The following MYT1L variants were observed in gnomAD, a reference collection of about 807,000 sequenced individuals.
The protein encoded by MYT1L is myelin transcription factor 1 like.
A neutral mutation model predicts 126.7 loss-of-function variants in MYT1L; 12 were observed. That is an observed-to-expected ratio of 0.09 (90% CI 0.06 to 0.15). MYT1L has a LOEUF of 0.15. MYT1L is among the 10% of genes least tolerant of loss of function. MYT1L has a pLI of 1.00. For missense variants in MYT1L, 979 were observed against 1,585.2 expected (o/e 0.62, Z 6.49); for synonymous variants, 541 against 604.2 (o/e 0.90, Z 1.53).
At chr2:2,135,021 T>G (rs1159967735) in intron 3 of MYT1L, among the ~76,000 whole-genome samples, 1 of 152,146 alleles carries the variant, frequency 6.6e-6, no homozygotes, top group Non-Finnish European at 1.5e-5. Context: ...TCTAATCCAC[T>G]CCACCAAATT....
intron 2 of MYT1L, among the ~76,000 whole-genome samples, chr2:2,253,695 G>C (rs1048550565): frequency 1.3e-5 from 2 of 151,992 alleles, no homozygotes; most frequent in African/African-American, 4.8e-5. Flanking sequence ...GGGCAGGAGA[G>C]CAAGTCGGAA....
intron 3 of MYT1L, among the ~76,000 whole-genome samples, chr2:2,129,610 G>T (rs2082111707): frequency 6.6e-6 from 1 of 152,096 alleles, no homozygotes; most frequent in Non-Finnish European, 1.5e-5. Context: ...ATTGAGTCAA[G>T]AATTAACTTA....
At chr2:2,076,505 T>A in intron 3 of MYT1L, among the ~76,000 whole-genome samples, 1 of 152,020 alleles carries the variant, frequency 6.6e-6, no homozygotes, top group East Asian at 1.9e-4. Context: ...CCTTAAAAAC[T>A]AACCAATAAA....
At chr2:2,063,932 A>G (rs2070881359) in intron 3 of MYT1L, among the ~76,000 whole-genome samples, 1 of 152,216 alleles carries the variant, frequency 6.6e-6, no homozygotes, top group Admixed American at 6.5e-5. Flanking sequence ...GAGGCTGTCT[A>G]CACTAAAGAT....
intron 2 of MYT1L, among the ~76,000 whole-genome samples, chr2:2,262,931 T>TATATATATATATATATATATATAA (rs970472033): frequency 2.3e-5 from 1 of 43,662 alleles, no homozygotes; most frequent in African/African-American, 1.0e-4. Flanking sequence ...TATATATATA[T>TATATATATATATATATATATATAA]AACCTGTGAT....
chr2:2,191,331 T>A (rs2092579881), intron 2 of MYT1L, among the ~76,000 whole-genome samples: 1 of 152,216 alleles, frequency 6.6e-6, no homozygotes, highest in African/African-American at 2.4e-5. Flanking sequence ...GATTGGAGTT[T>A]TGCAAGTAAA....
chr2:2,269,658 C>G (rs2095221732), intron 2 of MYT1L, among the ~76,000 whole-genome samples: 2 of 152,154 alleles, frequency 1.3e-5, no homozygotes, highest in Non-Finnish European at 2.9e-5. Context: ...CCAGTAATCT[C>G]CAGTAGCCCC....
intron 4 of MYT1L, among the ~76,000 whole-genome samples, chr2:2,019,918 C>T (rs1416935939): frequency 2.6e-5 from 4 of 152,152 alleles, no homozygotes; most frequent in African/African-American, 4.8e-5. Flanking sequence ...GATCTCAGCT[C>T]GCTGCAACCT....
chr2:2,228,914 TA>T lies in MYT1L; in HGVS notation c.-421+55489del, dbSNP rs2094089251. On this transcript the variant is annotated intron_variant, in intron 2 of 24. Transcript: ENST00000647738. The surrounding 1 kb of genome is among the most constrained non-coding windows in gnomAD (Gnocchi z 5.9). The stretch of plus-strand genomic sequence containing the variant: ...AAAATACAGGACAAGGGCAAGTTAA[TA>T]AGAAGAAACACAAGCAGTAGAGAAG... Among the ~76,000 whole-genome samples, 1 of 152,106 alleles carries T rather than the reference TA, an allele frequency of 6.6e-6. No individual in the cohort carries two copies. The highest frequency in any genetic ancestry group is 2.4e-5 in the African/African-American group (1 of 41,416).
rs552138213 is a variant in MYT1L at position 1,833,884 on chromosome 2, G to A, written c.3080+5265C>T. ...TAACCCTCAACGCAGAAAGAGCAGCGGCTGCGCCAGGACTCCCCATGAAGT... is the reference window on the plus strand; with the variant it reads ...TAACCCTCAACGCAGAAAGAGCAGCAGCTGCGCCAGGACTCCCCATGAAGT... On this transcript the variant is annotated intron_variant, in intron 21 of 24. Coordinates refer to ENST00000647738, the MANE Select transcript of MYT1L (RefSeq NM_001303052.2). Among the ~76,000 whole-genome samples, 13 of 152,324 alleles carry A rather than the reference G, an allele frequency of 8.5e-5. No individual in the cohort carries two copies. The South Asian group carries it at 1.0e-3, about 12-fold the overall frequency.
intron 1 of MYT1L, among the ~76,000 whole-genome samples, chr2:2,290,747 C>G (rs529844697): frequency 6.6e-6 from 1 of 152,200 alleles, no homozygotes; most frequent in Admixed American, 6.5e-5. Context: ...GCACTGACCC[C>G]TGCCTGCAGA....
At chr2:2,106,994 G>C (rs1014546136) in intron 3 of MYT1L, among the ~76,000 whole-genome samples, 11 of 152,150 alleles carry the variant, frequency 7.2e-5, no homozygotes, top group African/African-American at 2.4e-4. Context: ...CGTGGGGTTA[G>C]TTAACCTTCC....
chr2:2,230,700 C>T (rs1173723575), intron 2 of MYT1L, among the ~76,000 whole-genome samples: 4 of 152,230 alleles, frequency 2.6e-5, no homozygotes, highest in Non-Finnish European at 5.9e-5. Context: ...AAGCTGACAG[C>T]ACTGATGTTG....
At chr2:2,179,535 C>A (rs2091185863) in intron 2 of MYT1L, among the ~76,000 whole-genome samples, 1 of 152,188 alleles carries the variant, frequency 6.6e-6, no homozygotes, top group Non-Finnish European at 1.5e-5. Context: ...CATGACAACA[C>A]CTTACACGTG....
intron 18 of MYT1L, chr2:1,884,142 A>G (rs1353688952): frequency 1.3e-5 from 2 of 152,186 alleles, no homozygotes; most frequent in Non-Finnish European, 2.9e-5. Context: ...CAAGAAGAAA[A>G]TTTCCAGAAA....
At chr2:1,911,933 AT>A in intron 12 of MYT1L, 86 bp downstream of exon 12, 3 of 1,053,686 alleles carry the variant, frequency 2.8e-6, no homozygotes, top group Non-Finnish European at 4.1e-6. Flanking sequence ...GGAGCACCAT[AT>A]GGAGCGTGGT....
At chr2:2,032,697 T>C (rs2066478614) in intron 4 of MYT1L, among the ~76,000 whole-genome samples, 1 of 111,818 alleles carries the variant, frequency 8.9e-6, no homozygotes, top group Admixed American at 8.9e-5. Context: ...CCTCTCATCC[T>C]GTGGCCCAGA....
intron 3 of MYT1L, among the ~76,000 whole-genome samples, chr2:2,109,955 T>G (rs1276011655): frequency 7.4e-6 from 1 of 134,778 alleles, no homozygotes; most frequent in Non-Finnish European, 1.5e-5. Context: ...AGCTAAGAGA[T>G]TCTAAATCAA....
intron 2 of MYT1L, among the ~76,000 whole-genome samples, chr2:2,250,560 C>CAAAAAAAAAAAAAA (rs1230829158): frequency 1.1e-5 from 1 of 90,754 alleles, no homozygotes. Flanking sequence ...TGAAAGGGTA[C>CAAAAAAAAAAAAAA]AAAAAAAAAA....
Sources: allele counts gnomAD v4.1 joint callset (sites outside exome capture counted in the v4.1 genomes callset), GRCh38; gene constraint gnomAD v4.1.1; non-coding constraint Gnocchi (gnomAD v3.1); transcripts MANE v1.5; gene names NCBI Gene and HGNC (gene_info 2026-07-23, HGNC 2026-07-21).